Variants in YWHAZ observed in about 807,000 individuals in gnomAD.
YWHAZ encodes tyrosine 3-monooxygenase/tryptophan 5-monooxygenase activation protein zeta.
For missense variants in YWHAZ, 79 were observed against 284.8 expected (o/e 0.28, Z 5.20); for synonymous variants, 87 against 103.6 (o/e 0.84, Z 0.97).
chr8:100,947,868 C>G (rs1024192412), intron 2 of YWHAZ, among the ~76,000 whole-genome samples: 1 of 152,200 alleles, frequency 6.6e-6, no homozygotes, highest in Non-Finnish European at 1.5e-5. Flanking sequence ...GGATTCTCTA[C>G]TGGTTTATCC....
chr8:100,953,359 G>A, upstream of YWHAZ: 2 of 985,660 alleles, frequency 2.0e-6, no homozygotes, highest in Non-Finnish European at 2.4e-6. Flanking sequence ...CGGGTGATGA[G>A]CCGGGACGGG....
chr8:100,951,376 C>T lies in YWHAZ; in HGVS notation c.-12+553G>A, dbSNP rs1452391796. 3 of 984,476 alleles carry T rather than the reference C, an allele frequency of 3.0e-6. 1 individual carries two copies. The highest frequency in any genetic ancestry group is 3.5e-5 in the African/African-American group (2 of 57,266). The allele number at this position is 984,476 out of a possible 1,614,324, so 61.0% of individuals were successfully genotyped here. ...GTGGGGGAGGGCCGGGTCCCGCCGC[C>T]GCAGCGCCCAGCGCGGAGGCTGCGC... On this transcript the variant is annotated intron_variant, in intron 1 of 5. Transcript: ENST00000395958.
intron 5 of YWHAZ, 78 bp downstream of exon 5, chr8:100,923,877 A>G (rs1813191386): frequency 1.6e-6 from 2 of 1,220,226 alleles, no homozygotes; most frequent in African/African-American, 1.5e-5. Flanking sequence ...GATGTATTTA[A>G]TAAAAAAAAA....
At chr8:100,943,387 A>G (rs1344800932) in intron 2 of YWHAZ, among the ~76,000 whole-genome samples, 1 of 152,258 alleles carries the variant, frequency 6.6e-6, no homozygotes, top group East Asian at 1.9e-4. Flanking sequence ...ACTTGATATC[A>G]GAACACCTGT....
rs1378263286 is a variant in YWHAZ, at chr8:100,922,822, T to TAAAAATGTCATCACTTC, written c.678+1116_678+1132dup. The TAAAAATGTCATCACTTC allele has an allele frequency of 3.3e-5, 5 of 152,228 alleles. No individual in the cohort carries two copies. The highest frequency in any genetic ancestry group is 4.1e-4 in the South Asian group (2 of 4,832). 9.4% of individuals were successfully genotyped at this position (152,228 alleles called of 1,614,324 possible). A position where few individuals can be genotyped will look rare whatever the true frequency, so the allele number is the denominator to read the frequency against. On this transcript the variant is annotated intron_variant, in intron 5 of 5. Transcript: ENST00000395958. This position sits in a 1 kb window ranked among gnomAD's most constrained non-coding sequence, Gnocchi z 4.1. ...GTATCTAGGTCTCAGGTCATCACTTTAAAAATGTCATCACTTCAAACTAGA... is the reference window on the plus strand; with the variant it reads ...GTATCTAGGTCTCAGGTCATCACTTTAAAAATGTCATCACTTCAAAAATGTCATCACTTCAAACTAGA...
chr8:100,950,318 T>C (rs1239371782), intron 1 of YWHAZ: 4 of 940,540 alleles, frequency 4.3e-6, no homozygotes, highest in Non-Finnish European at 5.1e-6. Context: ...CAAGAGGAAG[T>C]GGATAAGGTT....
intron 2 of YWHAZ, among the ~76,000 whole-genome samples, chr8:100,947,018 C>T (rs963060816): frequency 6.6e-6 from 1 of 151,740 alleles, no homozygotes; most frequent in Non-Finnish European, 1.5e-5. Flanking sequence ...CTTTGGGAGG[C>T]TGAGGAGGGC....
upstream of YWHAZ, chr8:100,952,787 C>A: frequency 1.0e-6 from 1 of 999,902 alleles, no homozygotes; most frequent in Non-Finnish European, 1.2e-6. Flanking sequence ...GCTCCCCTTC[C>A]CCGGCTGGGC....
intron 5 of YWHAZ, among the ~76,000 whole-genome samples, chr8:100,921,751 A>T (rs1325869797): frequency 6.6e-6 from 1 of 152,232 alleles, no homozygotes; most frequent in Non-Finnish European, 1.5e-5. Flanking sequence ...TTAACAGGTA[A>T]AAATGAAAGT....
At chr8:100,927,902 C>A (rs1342607793) in intron 2 of YWHAZ, among the ~76,000 whole-genome samples, 4 of 152,194 alleles carry the variant, frequency 2.6e-5, no homozygotes, top group Non-Finnish European at 5.9e-5. Flanking sequence ...GGGTAAACAG[C>A]AGTCAGGCTG....
In YWHAZ at chr8:100,950,666, G is replaced by T. The variant is rs551022421; in HGVS notation, c.-12+1263C>A. The T allele has an allele frequency of 4.5e-6, 4 of 890,852 alleles. 1 individual carries two copies. Among genetic ancestry groups the T allele is most frequent in the East Asian group, 1.2e-4 (1 of 8,308 alleles). The allele number at this position is 890,852 out of a possible 1,614,324, so 55.2% of individuals were successfully genotyped here. A position where few individuals can be genotyped will look rare whatever the true frequency, so the allele number is the denominator to read the frequency against. On this transcript the variant is annotated intron_variant, in intron 1 of 5. Coordinates refer to ENST00000395958, the MANE Select transcript of YWHAZ (RefSeq NM_145690.3). ...GCCCCCGCCCAAGCCGTGGGGGGGG[G>T]GGAGAGATGGGGAGCGAAGCCGCCC...
chr8:100,917,732 A>G lies in YWHAZ; in HGVS notation c.*2961T>C, dbSNP rs950544101. ...CACTCCGTCTTAAAAACAAACGAAC[A>G]AAAAAATTCCAGTACTTTACACACA... On this transcript the variant is annotated 3_prime_UTR_variant, in exon 6 of 6. Transcript: ENST00000395958. The G allele has an allele frequency of 6.6e-6, 1 of 152,140 alleles. No homozygotes were observed. The highest frequency in any genetic ancestry group is 1.5e-5 in the Non-Finnish European group (1 of 68,028). The allele number at this position is 152,140 out of a possible 1,614,324, so 9.4% of individuals were successfully genotyped here.
chr8:100,917,644 GGGA>G lies in YWHAZ; in HGVS notation c.*3046_*3048del, dbSNP rs947631979. Reference sequence around the variant, plus strand: ...TGAGGCAGGAGAATCACTTCAGCCTGGGAGGAGAAGGTTGCAGTGAGCCGAGAT... The same window carrying G: ...TGAGGCAGGAGAATCACTTCAGCCTGGGAGAAGGTTGCAGTGAGCCGAGAT... On this transcript the variant is annotated 3_prime_UTR_variant, in exon 6 of 6. Coordinates refer to ENST00000395958, the MANE Select transcript of YWHAZ (RefSeq NM_145690.3). 17 of 152,270 alleles carry G rather than the reference GGGA, an allele frequency of 1.1e-4. No homozygotes were observed. Among genetic ancestry groups the G allele is most frequent in the East Asian group, 1.9e-4 (1 of 5,186 alleles). The allele number at this position is 152,270 out of a possible 1,614,324, so 9.4% of individuals were successfully genotyped here.
At chr8:100,929,783 GAAGAT>G (rs1396573887) in intron 2 of YWHAZ, among the ~76,000 whole-genome samples, 3 of 151,938 alleles carry the variant, frequency 2.0e-5, no homozygotes, top group African/African-American at 7.3e-5. Flanking sequence ...TTGGAAGCCA[GAAGAT>G]AAAACCCAAT....
At chr8:100,951,077 G>T in intron 1 of YWHAZ, 3 of 511,574 alleles carry the variant, frequency 5.9e-6, no homozygotes, top group Non-Finnish European at 7.1e-6. Flanking sequence ...AGCAAAAAAA[G>T]TCAGACCCAT....
At chr8:100,921,075 C>G (rs1162959588) in intron 5 of YWHAZ, among the ~76,000 whole-genome samples, 1 of 152,100 alleles carries the variant, frequency 6.6e-6, no homozygotes, top group Admixed American at 6.6e-5. Flanking sequence ...CGCTCTGTCA[C>G]CAGGCTGGAG....
chr8:100,941,620 A>G (rs1445095501), intron 2 of YWHAZ, among the ~76,000 whole-genome samples: 1 of 152,128 alleles, frequency 6.6e-6, no homozygotes, highest in African/African-American at 2.4e-5. Context: ...CCCCGTCTCT[A>G]CTAAAAATAC....
chr8:100,951,978 T>C lies in YWHAZ; in HGVS notation c.-61A>G, dbSNP rs1256278636. 3.0e-6 allele frequency: 3 copies of C among 1,004,160 alleles called. No homozygotes were observed. Among genetic ancestry groups the C allele is most frequent in the Non-Finnish European group, 2.4e-6 (2 of 843,120 alleles). 62.2% of individuals were successfully genotyped at this position (1,004,160 alleles called of 1,614,324 possible). On this transcript the variant is annotated 5_prime_UTR_variant, in exon 1 of 6. Coordinates refer to ENST00000395958, the MANE Select transcript of YWHAZ (RefSeq NM_145690.3). ...GCGGACGGACGGGCTCAGCAGTCTCTGGGCGGCGGCGGCGGCAGCAGCGGC... is the reference window on the plus strand; with the variant it reads ...GCGGACGGACGGGCTCAGCAGTCTCCGGGCGGCGGCGGCGGCAGCAGCGGC...
At chr8:100,925,461 C>G (rs114146289) in intron 2 of YWHAZ, among the ~76,000 whole-genome samples, 1 of 152,096 alleles carries the variant, frequency 6.6e-6, no homozygotes, top group Non-Finnish European at 1.5e-5. Context: ...GGAGAAATGA[C>G]TAAAGCAGAA....
Sources: allele counts gnomAD v4.1 joint callset (sites outside exome capture counted in the v4.1 genomes callset), GRCh38; gene constraint gnomAD v4.1.1; non-coding constraint Gnocchi (gnomAD v3.1); transcripts MANE v1.5; gene names NCBI Gene and HGNC (gene_info 2026-07-23, HGNC 2026-07-21).